The following SCN8A variants were observed in gnomAD, a reference collection of about 807,000 sequenced individuals.
The protein encoded by SCN8A is sodium channel protein type 8 subunit alpha.
SCN8A carries 30 observed loss-of-function variants against 184.1 expected under a neutral mutation model. The observed-to-expected ratio is 0.16, with a 90% CI of 0.12 to 0.22. The LOEUF is 0.22. Among genes scored for constraint, SCN8A ranks in the 10% least tolerant of loss-of-function variants. The pLI is 1.00. For missense variants in SCN8A, 1,057 were observed against 2,498.9 expected, an observed-to-expected ratio of 0.42 and a Z score of 12.30; for synonymous variants, 852 against 907.0, an observed-to-expected ratio of 0.94 and a Z score of 1.09.
chr12:51,803,928 G>A (rs1938621811), intron 26 of SCN8A, among the ~76,000 whole-genome samples: 1 of 152,178 alleles, frequency 6.6e-6, no homozygotes. Context: ...CTTCAAAGGG[G>A]ATTCTATAGC....
chr12:51,593,007 A>G (rs1285943392), intron 1 of SCN8A, among the ~76,000 whole-genome samples: 2 of 152,168 alleles, frequency 1.3e-5, no homozygotes, highest in African/African-American at 4.8e-5. Context: ...TAACATTACC[A>G]CACGGTACCA....
At chr12:51,680,277 C>G (rs1288806794) in intron 2 of SCN8A, among the ~76,000 whole-genome samples, 1 of 152,064 alleles carries the variant, frequency 6.6e-6, no homozygotes, top group Non-Finnish European at 1.5e-5. Context: ...ACTCAGTACC[C>G]AAATTAATTA....
intron 13 of SCN8A, 71 bp downstream of exon 13, chr12:51,746,106 T>C (rs1206016577): frequency 1.4e-6 from 2 of 1,400,476 alleles, no homozygotes; most frequent in East Asian, 5.0e-5. Flanking sequence ...ATATAATCCC[T>C]GTCCCTTGGT....
At chr12:51,777,877 TC>T (rs1937758103) in intron 20 of SCN8A, among the ~76,000 whole-genome samples, 1 of 152,218 alleles carries the variant, frequency 6.6e-6, no homozygotes, top group Admixed American at 6.5e-5. Flanking sequence ...GACTGTTGAG[TC>T]CAGGTACTTG....
At chr12:51,627,066 G>T (rs1940094772) in intron 1 of SCN8A, among the ~76,000 whole-genome samples, 2 of 152,126 alleles carry the variant, frequency 1.3e-5, no homozygotes, top group Admixed American at 1.3e-4. Context: ...TGTATGTGTG[G>T]CTGAAGGAGT....
intron 15 of SCN8A, among the ~76,000 whole-genome samples, chr12:51,764,381 T>A (rs1324346165): frequency 6.6e-6 from 1 of 152,180 alleles, no homozygotes; most frequent in African/African-American, 2.4e-5. Context: ...ACACCTGTAA[T>A]CCCAGCACTT....
chr12:51,771,949 A>T (rs943325773), intron 19 of SCN8A, among the ~76,000 whole-genome samples: 1 of 152,226 alleles, frequency 6.6e-6, no homozygotes, highest in African/African-American at 2.4e-5. Flanking sequence ...TCTCTTTCCC[A>T]TCTCTACAAA....
intron 2 of SCN8A, among the ~76,000 whole-genome samples, chr12:51,676,987 T>G (rs1312531123): frequency 6.6e-6 from 1 of 152,222 alleles, no homozygotes; most frequent in Non-Finnish European, 1.5e-5. Context: ...TTCTATGATA[T>G]TCTCCACCCC....
chr12:51,686,886 A>G (rs1242935095), intron 4 of SCN8A, among the ~76,000 whole-genome samples: 1 of 152,174 alleles, frequency 6.6e-6, no homozygotes, highest in South Asian at 2.1e-4. Context: ...CCAGTACAAC[A>G]TTCCAAAGGT....
Position 51,721,790 on chromosome 12 carries a change from C to T in SCN8A, c.1880C>T (p.Ser627Leu), listed in dbSNP as rs1198276041. 3 of 1,610,220 alleles carry T rather than the reference C, an allele frequency of 1.9e-6. No individual in the cohort carries two copies. Among genetic ancestry groups the T allele is most frequent in the Non-Finnish European group, 2.5e-6 (3 of 1,179,258 alleles). Residue 627 changes from serine to leucine, a missense_variant, in exon 12 of 27, where the codon TCG becomes TTG. Ser to Leu is a moderately radical substitution (Grantham distance 145). This residue lies in a region of SCN8A where 322 missense variants were observed against 390.1 expected (regional missense o/e 0.83). Transcript: ENST00000627620. ...GGCTACAGCCAGGGCAGCCGCTCCT[C>T]GCGCATCTTCCCCAGCCTGCGGCGC... The part of the protein sequence containing the change: ...YSGYSQGSRS[S>L]RIFPSLRRSV...
At position 51,615,915 on chromosome 12, in the gene SCN8A, G is replaced by A. The variant is rs1272635233; in HGVS notation, c.-55+24556G>A. ...TTAAAGAAAAAATTTTTTTTTTGCA[G>A]AGATGAGGGTCTGACTGTGTTGCCC... On this transcript the variant is annotated intron_variant, in intron 1 of 26. Transcript: ENST00000627620. 7.3e-5 allele frequency among the ~76,000 whole-genome samples: 11 copies of A among 151,638 alleles called. 1 individual carries two copies. Among genetic ancestry groups the A allele is most frequent in the Admixed American group, 7.2e-4 (11 of 15,252 alleles).
In SCN8A at chr12:51,806,962, A is replaced by G; in HGVS notation, c.5476A>G (p.Thr1826Ala). The change falls in exon 27 of 27, where the codon ACC becomes GCC. Residue 1826 changes from threonine (T) to alanine (A), a missense_variant. Coordinates refer to ENST00000627620, the MANE Select transcript of SCN8A (RefSeq NM_001330260.2). The surrounding 1 kb of genome is among the most constrained non-coding windows in gnomAD (Gnocchi z 8.7). ...EHPLRVPKPNTIELIAMDLPM... is the reference protein window; with the variant it reads ...EHPLRVPKPNAIELIAMDLPM... ...TCCTCTCCGAGTGCCCAAGCCCAATACCATTGAGCTCATCGCTATGGATCT... is the reference window on the plus strand; with the variant it reads ...TCCTCTCCGAGTGCCCAAGCCCAATGCCATTGAGCTCATCGCTATGGATCT... 1 of 1,613,918 alleles carries G rather than the reference A, an allele frequency of 6.2e-7. No homozygotes were observed. Among genetic ancestry groups the G allele is most frequent in the South Asian group, 1.1e-5 (1 of 91,086 alleles).
intron 1 of SCN8A, among the ~76,000 whole-genome samples, chr12:51,651,439 G>A (rs1322740803): frequency 1.3e-5 from 2 of 152,120 alleles, no homozygotes; most frequent in South Asian, 4.1e-4. Context: ...TCCTAACCTC[G>A]TGATCCATCC....
chr12:51,604,836 G>A (rs889567937), intron 1 of SCN8A, among the ~76,000 whole-genome samples: 2 of 151,746 alleles, frequency 1.3e-5, no homozygotes, highest in Non-Finnish European at 2.9e-5. Flanking sequence ...CCAGGCTCCA[G>A]TGTTTTTTTT....
chr12:51,616,398 C>T (rs1939836901), intron 1 of SCN8A, among the ~76,000 whole-genome samples: 4 of 152,098 alleles, frequency 2.6e-5, no homozygotes, highest in Admixed American at 2.6e-4. Flanking sequence ...CACTTGAGGT[C>T]AGGAGTTCGA....
chr12:51,745,220 G>C (rs1210298356), intron 12 of SCN8A, among the ~76,000 whole-genome samples: 1 of 152,102 alleles, frequency 6.6e-6, no homozygotes, highest in Non-Finnish European at 1.5e-5. Flanking sequence ...TTGGGAATTT[G>C]AACATTGCAG....
At chr12:51,646,313 G>A (rs148369191) in intron 1 of SCN8A, among the ~76,000 whole-genome samples, 1 of 152,328 alleles carries the variant, frequency 6.6e-6, no homozygotes, top group African/African-American at 2.4e-5. Context: ...GGCGTTGTGG[G>A]CCACACAGCC....
intron 1 of SCN8A, among the ~76,000 whole-genome samples, chr12:51,644,454 C>T (rs1940518660): frequency 6.6e-6 from 1 of 152,218 alleles, no homozygotes; most frequent in South Asian, 2.1e-4. Flanking sequence ...CTGTGTCTAG[C>T]AGGTAGTTAG....
At chr12:51,674,625 G>A (rs745837068) in intron 2 of SCN8A, among the ~76,000 whole-genome samples, 5 of 152,094 alleles carry the variant, frequency 3.3e-5, no homozygotes, top group Non-Finnish European at 7.4e-5. Flanking sequence ...GTGAGCCACT[G>A]CACCTGGCCA....
Sources: allele counts gnomAD v4.1 joint callset (sites outside exome capture counted in the v4.1 genomes callset), GRCh38; gene constraint gnomAD v4.1.1; regional missense constraint gnomAD v4.1.1; non-coding constraint Gnocchi (gnomAD v3.1); transcripts MANE v1.5; gene names NCBI Gene and HGNC (gene_info 2026-07-23, HGNC 2026-07-21).